Variants in TMC5 observed in about 807,000 individuals in gnomAD.
TMC5 encodes the protein transmembrane channel-like protein 5.
TMC5 carries 86 observed loss-of-function variants against 110.5 expected under a neutral mutation model. That is an observed-to-expected ratio of 0.78 (90% CI 0.65 to 0.93). TMC5 has a LOEUF of 0.93. TMC5 is among the 40% of genes least tolerant of loss of function. The pLI is 0.00. For missense variants in TMC5, 1,144 were observed against 1,222.8 expected, an observed-to-expected ratio of 0.94 and a Z score of 0.96; for synonymous variants, 455 against 439.5, an observed-to-expected ratio of 1.04 and a Z score of -0.44.
intron 5 of TMC5, among the ~76,000 whole-genome samples, chr16:19,452,014 G>T (rs143675125): frequency 6.6e-6 from 1 of 151,986 alleles, no homozygotes; most frequent in Non-Finnish European, 1.5e-5. Context: ...GGCCAGGCTG[G>T]TCTCAAACTC....
chr16:19,460,784 A>G (rs1316709685), intron 6 of TMC5, among the ~76,000 whole-genome samples: 1 of 152,218 alleles, frequency 6.6e-6, no homozygotes, highest in Admixed American at 6.6e-5. Flanking sequence ...AAAATACTCA[A>G]CCAGTACCCC....
rs371305391 is a variant in TMC5 at position 19,471,039 on chromosome 16, G to GA, written c.1783-1042dup. On this transcript the variant is annotated intron_variant, in intron 10 of 21. Coordinates refer to ENST00000542583, the MANE Select transcript of TMC5 (RefSeq NM_001261841.2). ...CAACAAGAGTGAAACTCCATCTCCA[G>GA]AAAAAAACAAAGAGCAAGCTGATTT... is the stretch of plus-strand genomic sequence containing the variant. Among the ~76,000 whole-genome samples the GA allele has an allele frequency of 4.0e-3, 602 of 151,526 alleles. 1 individual carries two copies. Among genetic ancestry groups the GA allele is most frequent in the African/African-American group, 0.013 (551 of 41,382 alleles).
At chr16:19,458,537 C>T (rs947696136) in intron 5 of TMC5, among the ~76,000 whole-genome samples, 4 of 152,098 alleles carry the variant, frequency 2.6e-5, no homozygotes, top group Non-Finnish European at 4.4e-5. Context: ...CTGTTTCACC[C>T]CCACAGTATT....
chr16:19,445,093 T>C (rs1224978394), intron 4 of TMC5, among the ~76,000 whole-genome samples: 1 of 152,006 alleles, frequency 6.6e-6, no homozygotes, highest in Admixed American at 6.6e-5. Context: ...CGCACCACTG[T>C]ACTCCAGCCT....
chr16:19,421,101 G>A (rs1226337045), intron 1 of TMC5, among the ~76,000 whole-genome samples: 1 of 152,152 alleles, frequency 6.6e-6, no homozygotes, highest in Non-Finnish European at 1.5e-5. Flanking sequence ...GGTTGTGTCT[G>A]TCAGTCAGTG....
At chr16:19,418,331 C>A (rs935473483) in intron 1 of TMC5, among the ~76,000 whole-genome samples, 2 of 152,254 alleles carry the variant, frequency 1.3e-5, no homozygotes, top group African/African-American at 4.8e-5. Context: ...GAGTTGGAAT[C>A]TGGGCTTCCC....
At chr16:19,433,596 C>T (rs1209852942) in intron 2 of TMC5, among the ~76,000 whole-genome samples, 2 of 152,072 alleles carry the variant, frequency 1.3e-5, no homozygotes, top group African/African-American at 4.8e-5. Flanking sequence ...AAATTATTTT[C>T]AGAAATTGAT....
chr16:19,448,149 CAAA>C (rs36050231), intron 4 of TMC5, among the ~76,000 whole-genome samples: 4 of 76,458 alleles, frequency 5.2e-5, no homozygotes, highest in South Asian at 9.1e-4. Flanking sequence ...GAGCAAGTCT[CAAA>C]AAAAAAAAAA....
chr16:19,466,003 A>G (rs1968178472), intron 8 of TMC5, 79 bp from the exon 9 acceptor site: 1 of 1,479,932 alleles, frequency 6.8e-7, no homozygotes, highest in Admixed American at 1.9e-5. Flanking sequence ...TATTCAGGAG[A>G]GGTCAACTCT....
intron 9 of TMC5, among the ~76,000 whole-genome samples, chr16:19,467,896 C>T (rs115518038): frequency 0.02 from 3,054 of 152,238 alleles, 120 homozygotes; most frequent in African/African-American, 0.071. Flanking sequence ...CCATAGCAAC[C>T]TGACTGCCAG....
intron 5 of TMC5, among the ~76,000 whole-genome samples, chr16:19,455,528 T>TG (rs1967846501): frequency 6.6e-6 from 1 of 152,236 alleles, no homozygotes; most frequent in African/African-American, 2.4e-5. Flanking sequence ...CCTCAAGGAC[T>TG]GAAGCCCCTT....
At chr16:19,431,621 T>A (rs1263185645) in intron 2 of TMC5, among the ~76,000 whole-genome samples, 1 of 151,984 alleles carries the variant, frequency 6.6e-6, no homozygotes, top group African/African-American at 2.4e-5. Context: ...TTTGCCTCTC[T>A]CGGGGCAACT....
At chr16:19,439,906 T>C in intron 2 of TMC5, 54 bp from the exon 3 acceptor site, 2 of 732,772 alleles carry the variant, frequency 2.7e-6, no homozygotes, top group Non-Finnish European at 4.5e-6. Flanking sequence ...CAGCAATCTC[T>C]GCAGGGAAGA....
intron 20 of TMC5, 42 bp downstream of exon 20, chr16:19,494,408 T>C (rs2245423): frequency 0.71 from 1,024,087 of 1,446,244 alleles, 369,834 homozygotes; most frequent in South Asian, 0.78. Context: ...GGACACGAGC[T>C]TGCCTCCATG....
chr16:19,494,759 A>G (rs1484044266), intron 20 of TMC5, among the ~76,000 whole-genome samples: 2 of 152,054 alleles, frequency 1.3e-5, no homozygotes, highest in Non-Finnish European at 2.9e-5. Flanking sequence ...GTGAGCCAAA[A>G]TCATGCCACT....
chr16:19,476,173 C>T (rs962940667), intron 12 of TMC5, among the ~76,000 whole-genome samples: 3 of 152,000 alleles, frequency 2.0e-5, no homozygotes, highest in African/African-American at 7.2e-5. Context: ...CATGGTGAGA[C>T]TCCATTTCTA....
At position 19,444,154 on chromosome 16, in the gene TMC5, G is replaced by A; in HGVS notation, c.862G>A (p.Gly288Arg). 6.2e-7 allele frequency: 1 copy of A among 1,614,112 alleles called. No homozygotes were observed. The highest frequency in any genetic ancestry group is 8.5e-7 in the Non-Finnish European group (1 of 1,180,036). Reference protein sequence around the residue: ...RSDDPVGSLWGENDYPEGIEM... With the variant: ...RSDDPVGSLWRENDYPEGIEM... ...TGATGACCCCGTGGGCAGTCTTTGG[G>A]GAGAGAATGATTACCCTGAAGGCAT... The change falls in exon 4 of 22, where the codon GGA (glycine) becomes AGA (arginine). Residue 288 changes from glycine to arginine, a missense_variant. Transcript: ENST00000542583.
chr16:19,440,632 C>T lies in TMC5; in HGVS notation c.594C>T (p.Tyr198=), dbSNP rs144612537. 80 of 1,614,182 alleles carry T rather than the reference C, an allele frequency of 5.0e-5. No homozygotes were observed. Among genetic ancestry groups the T allele is most frequent in the South Asian group, 1.1e-4 (10 of 91,080 alleles). The change falls in exon 3 of 22, where the codon TAC becomes TAT. Residue 198 remains tyrosine, a synonymous_variant. Transcript: ENST00000542583. ...ATACAAGTTTTAGAATCAATCCATA[C>T]GCAGACTCTCTGGGAAAGCCTGATT... is the stretch of plus-strand genomic sequence containing the variant. The part of the protein sequence containing the change: ...LEHTSFRINP[Y]ADSLGKPDYP...
chr16:19,494,020 A>C (rs1968985485), intron 19 of TMC5, among the ~76,000 whole-genome samples: 1 of 152,090 alleles, frequency 6.6e-6, no homozygotes. Context: ...TACTTTCTCA[A>C]GCCTGTTAGG....
Sources: allele counts gnomAD v4.1 joint callset (sites outside exome capture counted in the v4.1 genomes callset), GRCh38; gene constraint gnomAD v4.1.1; transcripts MANE v1.5; gene names NCBI Gene and HGNC (gene_info 2026-07-23, HGNC 2026-07-21).